Variants in SDK1 observed in about 807,000 individuals in gnomAD.
The protein encoded by SDK1 is sidekick cell adhesion molecule 1, also known as protein sidekick-1.
A neutral mutation model predicts 245.5 loss-of-function variants in SDK1; 157 were observed. That is an observed-to-expected ratio of 0.64 (90% CI 0.56 to 0.73). The LOEUF is 0.73. Among genes scored for constraint, SDK1 ranks in the 30% least tolerant of loss-of-function variants. SDK1 has a pLI of 0.00. For missense variants in SDK1, 3,583 were observed against 3,002.3 expected (o/e 1.19, Z -4.52); for synonymous variants, 1,647 against 1,278.5 (o/e 1.29, Z -6.15).
At chr7:3,980,926 C>G (rs927294000) in intron 13 of SDK1, among the ~76,000 whole-genome samples, 1 of 147,282 alleles carries the variant, frequency 6.8e-6, no homozygotes, top group Non-Finnish European at 1.5e-5. Flanking sequence ...AGCTACAGAG[C>G]GAGACTCCAT....
Position 3,967,527 on chromosome 7 carries a change from C to T in SDK1, c.1546+93C>T, listed in dbSNP as rs1374206390. The stretch of plus-strand genomic sequence containing the variant: ...CTTCTTATTCACTCTCTTGTTTATT[C>T]ACTTATGCATTCACTCAATGAAGAT... On this transcript the variant is annotated intron_variant, in intron 10 of 44. Transcript: ENST00000404826. 1.0e-5 allele frequency: 8 copies of T among 795,844 alleles called. No individual in the cohort carries two copies. The Admixed American group carries it at 1.1e-4, about 11-fold the overall frequency. The allele number at this position is 795,844 out of a possible 1,614,324, so 49.3% of individuals were successfully genotyped here.
rs1389527253 is a variant in SDK1 at position 3,528,887 on chromosome 7, TCTC to T, written c.299-90190_299-90188del. Among the ~76,000 whole-genome samples the T allele has an allele frequency of 2.6e-5, 4 of 152,222 alleles. No individual in the cohort carries two copies. The East Asian group carries it at 5.8e-4, about 22-fold the overall frequency. ...TGGGCTTTTTATGGGCTCTTCCTGA[TCTC>T]CTTCTCTCCCCTTGCTTTTGAGGTA... is the stretch of plus-strand genomic sequence containing the variant. On this transcript the variant is annotated intron_variant, in intron 1 of 44. Transcript: ENST00000404826.
intron 4 of SDK1, among the ~76,000 whole-genome samples, chr7:3,734,001 G>T (rs765911240): frequency 1.3e-5 from 2 of 152,132 alleles, no homozygotes; most frequent in Non-Finnish European, 2.9e-5. Flanking sequence ...GTGCTCTGAG[G>T]ATTCATGCTG....
intron 22 of SDK1, among the ~76,000 whole-genome samples, chr7:4,100,158 G>A (rs1038098829): frequency 6.6e-6 from 1 of 152,174 alleles, no homozygotes; most frequent in Admixed American, 6.5e-5. Flanking sequence ...CCAACATGTG[G>A]CACAGGGAGT....
intron 1 of SDK1, among the ~76,000 whole-genome samples, chr7:3,616,920 GA>G (rs1300828638): frequency 6.6e-6 from 1 of 152,146 alleles, no homozygotes; most frequent in Non-Finnish European, 1.5e-5. Flanking sequence ...TTCTTGAAAA[GA>G]AATTTTCCGT....
intron 4 of SDK1, among the ~76,000 whole-genome samples, chr7:3,788,592 C>G (rs922203906): frequency 6.6e-6 from 1 of 152,156 alleles, no homozygotes; most frequent in Non-Finnish European, 1.5e-5. Context: ...TTTGGCTTCC[C>G]TGGGCCACGT....
At chr7:3,342,817 A>G (rs1780383920) in intron 1 of SDK1, among the ~76,000 whole-genome samples, 1 of 152,216 alleles carries the variant, frequency 6.6e-6, no homozygotes, top group East Asian at 1.9e-4. Context: ...ATATGTAAAG[A>G]ACTTTCAAAA....
intron 1 of SDK1, among the ~76,000 whole-genome samples, chr7:3,303,809 A>C (rs1238524987): frequency 6.6e-6 from 1 of 152,206 alleles, no homozygotes; most frequent in Non-Finnish European, 1.5e-5. Context: ...CATTTGACAA[A>C]AGCTCATGTA....
intron 1 of SDK1, among the ~76,000 whole-genome samples, chr7:3,451,514 A>G (rs908416167): frequency 6.6e-6 from 1 of 152,180 alleles, no homozygotes; most frequent in Non-Finnish European, 1.5e-5. Flanking sequence ...ATCACACTGC[A>G]TCAATGTGAT....
At chr7:3,611,412 A>G (rs772635331) in intron 1 of SDK1, among the ~76,000 whole-genome samples, 10 of 152,182 alleles carry the variant, frequency 6.6e-5, no homozygotes, top group Non-Finnish European at 1.3e-4. Flanking sequence ...TTTAATAACC[A>G]AACGACTTAC....
At chr7:3,797,803 T>G (rs1402484601) in intron 4 of SDK1, among the ~76,000 whole-genome samples, 2 of 152,208 alleles carry the variant, frequency 1.3e-5, no homozygotes, top group East Asian at 3.8e-4. Context: ...TCCTGTTGAT[T>G]TCTAGCTCTT....
intron 4 of SDK1, among the ~76,000 whole-genome samples, chr7:3,808,813 A>G (rs762209548): frequency 6.6e-6 from 1 of 152,186 alleles, no homozygotes; most frequent in Non-Finnish European, 1.5e-5. Flanking sequence ...TGTTGTTTAC[A>G]CACAAATGCC....
chr7:3,672,604 A>G (rs1039605943), intron 4 of SDK1, among the ~76,000 whole-genome samples: 1 of 142,070 alleles, frequency 7.0e-6, no homozygotes, highest in Non-Finnish European at 1.5e-5. Flanking sequence ...TAATATATAT[A>G]TTTATATAAT....
chr7:3,491,422 G>C (rs1281908651), intron 1 of SDK1, among the ~76,000 whole-genome samples: 1 of 152,228 alleles, frequency 6.6e-6, no homozygotes, highest in Non-Finnish European at 1.5e-5. Context: ...AGACCCACTG[G>C]TTTAGAGCTG....
At chr7:3,598,031 G>A (rs1264247819) in intron 1 of SDK1, among the ~76,000 whole-genome samples, 1 of 152,070 alleles carries the variant, frequency 6.6e-6, no homozygotes, top group Non-Finnish European at 1.5e-5. Context: ...TAAAGTGGTT[G>A]TACCATTTTT....
chr7:3,599,958 ATAAT>A (rs1389095746), intron 1 of SDK1, among the ~76,000 whole-genome samples: 3 of 152,216 alleles, frequency 2.0e-5, no homozygotes, highest in Non-Finnish European at 2.9e-5. Flanking sequence ...GTATATATCT[ATAAT>A]TAAATATGCT....
At chr7:3,915,855 A>G (rs968376015) in intron 5 of SDK1, among the ~76,000 whole-genome samples, 1 of 152,136 alleles carries the variant, frequency 6.6e-6, no homozygotes, top group Non-Finnish European at 1.5e-5. Context: ...CACGTTTTGG[A>G]TAACTTTTTA....
intron 1 of SDK1, among the ~76,000 whole-genome samples, chr7:3,514,155 T>A (rs1782662995): frequency 6.6e-6 from 1 of 152,212 alleles, no homozygotes; most frequent in Admixed American, 6.5e-5. Context: ...AGCAAATGTC[T>A]TTAGACTGCC....
intron 1 of SDK1, among the ~76,000 whole-genome samples, chr7:3,400,121 C>G (rs1778848260): frequency 6.6e-6 from 1 of 151,674 alleles, no homozygotes; most frequent in South Asian, 2.1e-4. Context: ...TCTGCTCCCT[C>G]TGGTGGCTAC....
Sources: allele counts gnomAD v4.1 joint callset (sites outside exome capture counted in the v4.1 genomes callset), GRCh38; gene constraint gnomAD v4.1.1; transcripts MANE v1.5; gene names NCBI Gene and HGNC (gene_info 2026-07-23, HGNC 2026-07-21).